Variants in CERT1 observed in about 807,000 individuals in gnomAD.
CERT1 encodes ceramide transporter 1.
A neutral mutation model predicts 87.9 loss-of-function variants in CERT1; 31 were observed. That is an observed-to-expected ratio of 0.35 (90% CI 0.27 to 0.48). The LOEUF (loss-of-function observed/expected upper bound fraction) is 0.48. Ranked by LOEUF, CERT1 falls within the 20% of genes least tolerant of loss-of-function variation. CERT1 has a pLI of 0.99. For missense variants in CERT1, 487 were observed against 758.0 expected, an observed-to-expected ratio of 0.64 and a Z score of 4.20; for synonymous variants, 289 against 250.9, an observed-to-expected ratio of 1.15 and a Z score of -1.44.
chr5:75,384,575 A>C, intron 14 of CERT1, 67 bp downstream of exon 14: 2 of 1,103,986 alleles, frequency 1.8e-6, no homozygotes, highest in Middle Eastern at 2.2e-4. Flanking sequence ...ATTTTACTTT[A>C]GAGAATCTAT....
intron 11 of CERT1, among the ~76,000 whole-genome samples, chr5:75,395,225 CTG>C (rs1199555861): frequency 1.3e-5 from 2 of 152,130 alleles, no homozygotes; most frequent in Non-Finnish European, 2.9e-5. Context: ...TAAATGTGAA[CTG>C]TGTTATGCAA....
chr5:75,375,467 T>G (rs950017117), downstream of CERT1: 5 of 151,482 alleles, frequency 3.3e-5, no homozygotes, highest in African/African-American at 1.2e-4. Context: ...GTGCCTATAG[T>G]CCCAGCTACC....
intron 11 of CERT1, among the ~76,000 whole-genome samples, chr5:75,390,850 T>C (rs1408826032): frequency 6.6e-6 from 1 of 152,188 alleles, no homozygotes; most frequent in Non-Finnish European, 1.5e-5. Flanking sequence ...GTCACCCAGG[T>C]TGGAGTGCAG....
chr5:75,511,894 G>T (rs1392519931), upstream of CERT1: 2 of 1,436,116 alleles, frequency 1.4e-6, no homozygotes, highest in Non-Finnish European at 1.9e-6. Flanking sequence ...GGGAGTTGTA[G>T]TCGCGATCCT....
At chr5:75,508,277 GTT>G (rs139819885) in intron 1 of CERT1, among the ~76,000 whole-genome samples, 11,900 of 152,184 alleles carry the variant, frequency 0.078, 551 homozygotes, top group South Asian at 0.17. Context: ...TTCTCTTAGA[GTT>G]AAGTTTAAAC....
intron 8 of CERT1, among the ~76,000 whole-genome samples, chr5:75,408,931 A>G (rs1333064110): frequency 6.7e-6 from 1 of 148,834 alleles, no homozygotes; most frequent in African/African-American, 2.5e-5. Flanking sequence ...TACCCCTAGG[A>G]AAAAAAAAAC....
intron 6 of CERT1, among the ~76,000 whole-genome samples, chr5:75,418,959 G>A (rs58780510): frequency 0.081 from 12,388 of 152,204 alleles, 609 homozygotes; most frequent in South Asian, 0.17. Context: ...TATGTCAATT[G>A]TATCTCAATA....
At chr5:75,467,641 C>CAAAAAAAAAAAAAAAAAAA (rs1458470572) in intron 2 of CERT1, among the ~76,000 whole-genome samples, 2 of 49,944 alleles carry the variant, frequency 4.0e-5, no homozygotes, top group Non-Finnish European at 8.5e-5. Flanking sequence ...ACTCTGTCTC[C>CAAAAAAAAAAAAAAAAAAA]AAAAAAAAGA....
intron 2 of CERT1, among the ~76,000 whole-genome samples, chr5:75,492,766 G>A (rs946520019): frequency 1.3e-5 from 2 of 152,112 alleles, no homozygotes; most frequent in Admixed American, 6.5e-5. Flanking sequence ...AACTATCAAC[G>A]TCCAGAGAGC....
intron 6 of CERT1, among the ~76,000 whole-genome samples, chr5:75,417,694 C>T (rs1166116107): frequency 1.3e-5 from 2 of 152,076 alleles, no homozygotes; most frequent in Non-Finnish European, 2.9e-5. Context: ...AAGGTATAAT[C>T]CATCAAAGAA....
intron 7 of CERT1, among the ~76,000 whole-genome samples, chr5:75,413,087 TA>T (rs1561244885): frequency 6.6e-6 from 1 of 152,204 alleles, no homozygotes; most frequent in East Asian, 1.9e-4. Context: ...TTAAAAAATT[TA>T]TTTTTTTTAA....
At chr5:75,465,855 G>A (rs556690622) in intron 2 of CERT1, among the ~76,000 whole-genome samples, 2 of 152,152 alleles carry the variant, frequency 1.3e-5, no homozygotes, top group Non-Finnish European at 1.5e-5. Context: ...AGGAAAAGGG[G>A]GGGTAGAGAA....
intron 2 of CERT1, among the ~76,000 whole-genome samples, chr5:75,498,611 GGT>G: frequency 6.6e-6 from 1 of 152,246 alleles, no homozygotes; most frequent in Non-Finnish European, 1.5e-5. Context: ...TGGGCCAGTG[GGT>G]GCAAAGAAGT....
At chr5:75,374,646 T>C (rs1319418959), downstream of CERT1, 2 of 648,472 alleles carry the variant, frequency 3.1e-6, 1 homozygote. Context: ...CTTTGATGTC[T>C]ATGTGCTTCC....
At chr5:75,394,634 TG>T (rs1221299042) in intron 11 of CERT1, among the ~76,000 whole-genome samples, 3 of 152,110 alleles carry the variant, frequency 2.0e-5, no homozygotes, top group Admixed American at 6.6e-5. Context: ...CTGAGGCAGG[TG>T]GATCGCTTGA....
chr5:75,473,802 A>G (rs1362146397), intron 2 of CERT1, among the ~76,000 whole-genome samples: 1 of 152,230 alleles, frequency 6.6e-6, no homozygotes. Context: ...TTCACAATGT[A>G]TATATACTTC....
chr5:75,506,909 A>T (rs1160060051), intron 1 of CERT1, among the ~76,000 whole-genome samples: 2 of 152,248 alleles, frequency 1.3e-5, no homozygotes, highest in African/African-American at 4.8e-5. Flanking sequence ...GCAGAAATGT[A>T]ACCTTTACAG....
chr5:75,460,552 A>C (rs1408152820), intron 2 of CERT1, among the ~76,000 whole-genome samples: 1 of 152,250 alleles, frequency 6.6e-6, no homozygotes, highest in Non-Finnish European at 1.5e-5. Context: ...ACAGGAATAC[A>C]TCACATTTAC....
rs754733713 is a variant in CERT1 at position 75,385,899 on chromosome 5, T to A, written c.1417+3A>T. On this transcript the variant is annotated splice_donor_region_variant and intron_variant, in intron 13 of 16. Coordinates refer to ENST00000643780, the MANE Select transcript of CERT1 (RefSeq NM_001379029.1). ...TTAAAATATATTAATAATGACAGCT[T>A]ACTTTCCCAGTCATTGCGAACGTCA... The A allele has an allele frequency of 6.7e-7, 1 of 1,499,120 alleles. No homozygotes were observed. The highest frequency in any genetic ancestry group is 2.3e-5 in the Admixed American group (1 of 43,260). 92.9% of individuals were successfully genotyped at this position (1,499,120 alleles called of 1,614,324 possible).
Sources: allele counts gnomAD v4.1 joint callset (sites outside exome capture counted in the v4.1 genomes callset), GRCh38; gene constraint gnomAD v4.1.1; transcripts MANE v1.5; gene names NCBI Gene and HGNC (gene_info 2026-07-23, HGNC 2026-07-21).